The following PSG5 variants were observed in gnomAD, a reference collection of about 807,000 sequenced individuals.
PSG5 encodes pregnancy-specific beta-1-glycoprotein 5.
PSG5 carries 53 observed loss-of-function variants against 37.7 expected under a neutral mutation model. That is an observed-to-expected ratio of 1.41 (90% CI 1.13 to 1.77). The LOEUF (loss-of-function observed/expected upper bound fraction) is 1.77, where lower values mean the gene tolerates loss of function less well. Ranked by LOEUF, PSG5 falls within the 40% of genes most tolerant of loss-of-function variation. The pLI is 0.00. For missense variants in PSG5, 547 were observed against 405.2 expected, an observed-to-expected ratio of 1.35 and a Z score of -3.00; for synonymous variants, 221 against 155.4, an observed-to-expected ratio of 1.42 and a Z score of -3.14.
At chr19:43,178,271 C>T (rs1365889997) in intron 2 of PSG5, among the ~76,000 whole-genome samples, 1 of 151,582 alleles carries the variant, frequency 6.6e-6, no homozygotes, top group African/African-American at 2.4e-5. Flanking sequence ...CCATCAGTGG[C>T]TGAGTTATGG....
chr19:43,170,197 C>G, intron 4 of PSG5, 59 bp from the exon 5 acceptor site: 4 of 1,419,936 alleles, frequency 2.8e-6, no homozygotes, highest in South Asian at 1.1e-5. Context: ...CATGGGGGAG[C>G]CTCAGGAAGA....
chr19:43,184,712 C>G lies in PSG5; in HGVS notation c.430+70G>C, dbSNP rs867602249. On this transcript the variant is annotated intron_variant, in intron 2 of 5. Coordinates refer to ENST00000342951, the MANE Select transcript of PSG5 (RefSeq NM_002781.4). ...GGACACAGGCACAGTGCAGGCCTGACAATCCTGTGTGTGTGAAGTAGAAAT... is the reference window on the plus strand; with the variant it reads ...GGACACAGGCACAGTGCAGGCCTGAGAATCCTGTGTGTGTGAAGTAGAAAT... The G allele has an allele frequency of 2.3e-4, 370 of 1,604,572 alleles. 11 individuals carry two copies. In the African/African-American group the frequency reaches 4.1e-3, roughly 18 times the overall value.
chr19:43,172,522 A>C (rs1968927224), intron 4 of PSG5, among the ~76,000 whole-genome samples: 1 of 151,764 alleles, frequency 6.6e-6, no homozygotes. Flanking sequence ...AAATTAATAA[A>C]TTCAGTAATG....
rs189199884 is a variant in PSG5, at chr19:43,168,696, C to A, written c.*41-493G>T. ...GTAGAATACTCATATTATTAACATT[C>A]CCATAAATATTATTTAGAGAAGGTT... On this transcript the variant is annotated intron_variant, in intron 5 of 5. Coordinates refer to ENST00000342951, the MANE Select transcript of PSG5 (RefSeq NM_002781.4). 8.5e-4 allele frequency among the ~76,000 whole-genome samples: 129 copies of A among 151,826 alleles called. 2 individuals carry two copies. The highest frequency in any genetic ancestry group is 1.4e-3 in the Non-Finnish European group (98 of 67,930).
chr19:43,181,497 C>T lies in PSG5; in HGVS notation c.430+3285G>A, dbSNP rs909911324. Among the ~76,000 whole-genome samples, 10 of 151,556 alleles carry T rather than the reference C, an allele frequency of 6.6e-5. 1 individual carries two copies. The highest frequency in any genetic ancestry group is 1.7e-4 in the African/African-American group (7 of 41,126). On this transcript the variant is annotated intron_variant, in intron 2 of 5. Coordinates refer to ENST00000342951, the MANE Select transcript of PSG5 (RefSeq NM_002781.4). ...TTTCTGAGACAGAGTCTCTCTCTTT[C>T]ACCCAGGCTGGAGTGCAGTGGCATG... is the stretch of plus-strand genomic sequence containing the variant.
intron 5 of PSG5, among the ~76,000 whole-genome samples, chr19:43,169,654 G>T (rs1421799534): frequency 6.6e-6 from 1 of 151,628 alleles, no homozygotes; most frequent in African/African-American, 2.4e-5. Flanking sequence ...TTTTAGAAAG[G>T]TAATGAGGCA....
At position 43,175,585 on chromosome 19, in the gene PSG5, G is replaced by A. The variant is rs73050279; in HGVS notation, c.710-116C>T. ...CAAGACACACCCTCAAGTCCCAGCC[G>A]AACCCCCACTATATTCACTGAGCCA... On this transcript the variant is annotated intron_variant, in intron 3 of 5. Transcript: ENST00000342951. The A allele has an allele frequency of 3.8e-5, 56 of 1,468,530 alleles. 1 individual carries two copies. The South Asian group carries it at 4.1e-4, about 11-fold the overall frequency. The allele number at this position is 1,468,530 out of a possible 1,614,324, so 91.0% of individuals were successfully genotyped here.
intron 1 of PSG5, among the ~76,000 whole-genome samples, chr19:43,186,050 C>A (rs930151689): frequency 1.5e-4 from 23 of 151,108 alleles, no homozygotes; most frequent in Admixed American, 2.6e-4. Flanking sequence ...TATCTCGGCT[C>A]GCTGCAACTT....
rs187874799 is a variant in PSG5, at chr19:43,181,761, G to A, written c.430+3021C>T. On this transcript the variant is annotated intron_variant, in intron 2 of 5. Coordinates refer to ENST00000342951, the MANE Select transcript of PSG5 (RefSeq NM_002781.4). The stretch of plus-strand genomic sequence containing the variant: ...AGCCACTGTGCCCAGCCATCTCTGA[G>A]GGATTTTAATGAGTTGTTGACTTTT... 4.6e-5 allele frequency among the ~76,000 whole-genome samples: 7 copies of A among 151,864 alleles called. No homozygotes were observed. The South Asian group carries it at 8.3e-4, about 18-fold the overall frequency.
At chr19:43,185,843 T>C (rs1966925347) in intron 1 of PSG5, among the ~76,000 whole-genome samples, 1 of 29,706 alleles carries the variant, frequency 3.4e-5, no homozygotes, top group African/African-American at 2.5e-4. Flanking sequence ...TTATCATTTT[T>C]CAAAATGTCG....
chr19:43,169,041 A>G (rs1390486435), intron 5 of PSG5, among the ~76,000 whole-genome samples: 4 of 151,784 alleles, frequency 2.6e-5, no homozygotes, highest in East Asian at 1.9e-4. Context: ...CCAGACCTTT[A>G]AACTGGAACT....
intron 2 of PSG5, among the ~76,000 whole-genome samples, chr19:43,182,500 T>A (rs547096339): frequency 3.4e-4 from 51 of 151,404 alleles, no homozygotes; most frequent in Admixed American, 1.5e-3. Flanking sequence ...CACAAACAGA[T>A]CATTTCCCTC....
intron 5 of PSG5, among the ~76,000 whole-genome samples, chr19:43,168,608 G>A (rs564898749): frequency 2.0e-5 from 3 of 151,770 alleles, no homozygotes; most frequent in South Asian, 2.1e-4. Context: ...TCCTGACATC[G>A]TGATGTGCCC....
In PSG5 at chr19:43,186,373, C is replaced by T; in HGVS notation, c.33G>A (p.Gln11=). ...GCAGGAGCCCCTTCCAGGTGATGTGCTGTGTGCAGGGAGGGGCTGAGAGGG... is the reference window on the plus strand; with the variant it reads ...GCAGGAGCCCCTTCCAGGTGATGTGTTGTGTGCAGGGAGGGGCTGAGAGGG... MGPLSAPPCT[Q]HITWKGLLLT... is the part of the protein sequence containing the mutation. Residue 11 remains glutamine (Q), a synonymous_variant, in exon 1 of 6, where the codon CAG becomes CAA. Transcript: ENST00000342951. The T allele has an allele frequency of 3.1e-6, 5 of 1,612,330 alleles. No homozygotes were observed. The highest frequency in any genetic ancestry group is 4.2e-6 in the Non-Finnish European group (5 of 1,178,972).
At chr19:43,169,104 T>C (rs1968848991) in intron 5 of PSG5, among the ~76,000 whole-genome samples, 1 of 151,656 alleles carries the variant, frequency 6.6e-6, no homozygotes, top group South Asian at 2.1e-4. Context: ...GTGATTCCAA[T>C]GTGTAGCTCT....
At position 43,184,052 on chromosome 19, in the gene PSG5, G is replaced by C. The variant is rs144328077; in HGVS notation, c.430+730C>G. On this transcript the variant is annotated intron_variant, in intron 2 of 5. Transcript: ENST00000342951. ...AGCACCTTTACGTCAGATCCCTGTG[G>C]ACAAGCTGCTACCAGGTACATCTTC... 1.7e-3 allele frequency among the ~76,000 whole-genome samples: 255 copies of C among 151,778 alleles called. 4 individuals are homozygous for C. The highest frequency in any genetic ancestry group is 5.8e-3 in the African/African-American group (239 of 41,286).
intron 5 of PSG5, among the ~76,000 whole-genome samples, chr19:43,168,585 G>T (rs920540885): frequency 2.6e-5 from 4 of 151,674 alleles, no homozygotes; most frequent in African/African-American, 9.7e-5. Context: ...TGTTAGCCAG[G>T]ATGGTCTCGA....
At chr19:43,185,693 C>A (rs1349853467) in intron 1 of PSG5, among the ~76,000 whole-genome samples, 2 of 151,718 alleles carry the variant, frequency 1.3e-5, no homozygotes, top group Non-Finnish European at 2.9e-5. Context: ...AGGCTGCAGA[C>A]TCCTGCAGAT....
In PSG5 at chr19:43,186,377, G is replaced by A. The variant is rs200457481; in HGVS notation, c.29C>T (p.Thr10Ile). MGPLSAPPC[T>I]QHITWKGLLL... ...GAGCCCCTTCCAGGTGATGTGCTGT[G>A]TGCAGGGAGGGGCTGAGAGGGGCCC... is the stretch of plus-strand genomic sequence containing the variant. The change falls in exon 1 of 6, where the codon ACA (threonine) becomes ATA (isoleucine). Residue 10 changes from threonine to isoleucine, a missense_variant. Thr to Ile is a moderately conservative substitution (Grantham distance 89). Coordinates refer to ENST00000342951, the MANE Select transcript of PSG5 (RefSeq NM_002781.4). The A allele has an allele frequency of 3.7e-6, 6 of 1,612,214 alleles. No individual in the cohort carries two copies. The African/African-American group carries it at 5.4e-5, about 14-fold the overall frequency.
Sources: gnomAD v4.1 joint callset for allele counts (sites outside exome capture counted in the v4.1 genomes callset) on GRCh38, gnomAD v4.1.1 for gene constraint, MANE v1.5 for transcripts, NCBI Gene and HGNC (gene_info 2026-07-23, HGNC 2026-07-21) for gene names.